GTPBP4: variants seen among roughly 807,000 people sequenced by gnomAD.
GTPBP4 encodes the protein GTP binding protein 4.
In GTPBP4, 15 loss-of-function variants were observed where a neutral mutation model predicts 81.7. That is an observed-to-expected ratio of 0.18 (90% CI 0.12 to 0.28). The LOEUF is 0.28. GTPBP4 is among the 10% of genes least tolerant of loss of function. The pLI is 1.00. For missense variants in GTPBP4, 847 were observed against 793.8 expected (o/e 1.07, Z -0.81); for synonymous variants, 272 against 274.6 (o/e 0.99, Z 0.09).
chr10:1,005,808 G>A lies in GTPBP4; in HGVS notation c.913-10G>A. Reference sequence around the variant, plus strand: ...ATAATACATCTCTCGTTTTTTCTTTGCATTCCCAGAAAATATTTACAGATT... The same window carrying A: ...ATAATACATCTCTCGTTTTTTCTTTACATTCCCAGAAAATATTTACAGATT... On this transcript the variant is annotated splice_polypyrimidine_tract_variant and intron_variant, in intron 8 of 16. Transcript: ENST00000360803. The A allele has an allele frequency of 6.7e-7, 1 of 1,500,238 alleles. No individual in the cohort carries two copies. The highest frequency in any genetic ancestry group is 9.3e-7 in the Non-Finnish European group (1 of 1,077,608). The allele number at this position is 1,500,238 out of a possible 1,614,324, so 92.9% of individuals were successfully genotyped here. A position where few individuals can be genotyped will look rare whatever the true frequency, so the allele number is the denominator to read the frequency against.
chr10:988,508 C>G lies in GTPBP4; in HGVS notation c.29C>G (p.Thr10Arg). The G allele has an allele frequency of 1.2e-6, 2 of 1,612,820 alleles. No individual in the cohort carries two copies. The highest frequency in any genetic ancestry group is 1.7e-6 in the Non-Finnish European group (2 of 1,179,358). ...GCACATTACAACTTCAAGAAAATTACGGTGGTGCCGTCCGCCAAGGTAGGC... is the reference window on the plus strand; with the variant it reads ...GCACATTACAACTTCAAGAAAATTAGGGTGGTGCCGTCCGCCAAGGTAGGC... MAHYNFKKI[T>R]VVPSAKDFID... Residue 10 changes from threonine to arginine, a missense_variant, in exon 1 of 17, where the codon ACG becomes AGG. This residue lies in a region of GTPBP4 where 241 missense variants were observed against 216.3 expected (regional missense o/e 1.11). Coordinates refer to ENST00000360803, the MANE Select transcript of GTPBP4 (RefSeq NM_012341.3).
intron 15 of GTPBP4, among the ~76,000 whole-genome samples, chr10:1,015,262 C>T (rs186611600): frequency 5.9e-5 from 9 of 152,274 alleles, no homozygotes; most frequent in South Asian, 2.1e-4. Flanking sequence ...GAAAATACTG[C>T]GTGTATTTTC....
intron 12 of GTPBP4, among the ~76,000 whole-genome samples, chr10:1,010,060 G>A (rs974414231): frequency 1.3e-5 from 2 of 151,652 alleles, no homozygotes; most frequent in African/African-American, 4.8e-5. Flanking sequence ...GTTTTGGGAT[G>A]GTGGGGTGAT....
chr10:1,017,100 T>A lies in GTPBP4; in HGVS notation c.1778T>A (p.Met593Lys). ...VKMVKKAKTM[M>K]KNAQKKMNRL... ...ATGGTGAAGAAAGCCAAGACTATGA[T>A]GAAGAATGCTCAGAAGAAGATGAAT... The change falls in exon 17 of 17, where the codon ATG (methionine) becomes AAG (lysine). Residue 593 changes from methionine to lysine, a missense_variant. Met to Lys is a moderately conservative substitution (Grantham distance 95). Coordinates refer to ENST00000360803, the MANE Select transcript of GTPBP4 (RefSeq NM_012341.3). 6.2e-7 allele frequency: 1 copy of A among 1,613,828 alleles called. No homozygotes were observed.
At chr10:1,005,657 T>C (rs1250917212) in intron 8 of GTPBP4, among the ~76,000 whole-genome samples, 161 bp from the exon 9 acceptor site, 2 of 152,206 alleles carry the variant, frequency 1.3e-5, no homozygotes, top group African/African-American at 4.8e-5. Flanking sequence ...CATAGAAGAA[T>C]ATGAAGAAAA....
In GTPBP4 at chr10:1,009,540, T is replaced by G. The variant is rs1831811450; in HGVS notation, c.1203T>G (p.Leu401=). 6.2e-7 allele frequency: 1 copy of G among 1,604,324 alleles called. No homozygotes were observed. Among genetic ancestry groups the G allele is most frequent in the Admixed American group, 1.7e-5 (1 of 59,996 alleles). ...EESRKKRERD[L]ELEMGDDYIL... is the part of the protein sequence containing the mutation. Reference sequence around the variant, plus strand: ...TCTTTCTATTGCAGGAACGAGATCTTGAGCTGGAAATGGGAGATGATTATA... The same window carrying G: ...TCTTTCTATTGCAGGAACGAGATCTGGAGCTGGAAATGGGAGATGATTATA... The change falls in exon 12 of 17, where the codon CTT becomes CTG. Residue 401 remains leucine (L), a synonymous_variant. Coordinates refer to ENST00000360803, the MANE Select transcript of GTPBP4 (RefSeq NM_012341.3).
chr10:1,007,039 C>T lies in GTPBP4; in HGVS notation c.1024C>T (p.His342Tyr). Residue 342 changes from histidine to tyrosine, a missense_variant, in exon 10 of 17, where the codon CAT (histidine) becomes TAT (tyrosine). By Grantham distance (83) the His-to-Tyr change is moderately conservative. This residue lies in a region of GTPBP4 where 600 missense variants were observed against 557.1 expected (regional missense o/e 1.08). Coordinates refer to ENST00000360803, the MANE Select transcript of GTPBP4 (RefSeq NM_012341.3). ...KTEACDRLLA[H>Y]RVETKMKGNK... The stretch of plus-strand genomic sequence containing the variant: ...TTAGGCTTGCGATAGGCTTTTGGCT[C>T]ATCGAGTGGAAACCAAAATGAAGGG... 6.2e-7 allele frequency: 1 copy of T among 1,610,924 alleles called. No individual in the cohort carries two copies. Among genetic ancestry groups the T allele is most frequent in the Non-Finnish European group, 8.5e-7 (1 of 1,177,094 alleles).
chr10:1,004,486 G>C (rs1831690795), intron 8 of GTPBP4, among the ~76,000 whole-genome samples: 1 of 152,090 alleles, frequency 6.6e-6, no homozygotes, highest in Non-Finnish European at 1.5e-5. Flanking sequence ...TATGTGGCTG[G>C]TCAGCCTGGG....
chr10:1,014,390 C>T (rs1831938238), intron 15 of GTPBP4, 78 bp downstream of exon 15: 1 of 1,035,202 alleles, frequency 9.7e-7, no homozygotes, highest in South Asian at 1.3e-5. Flanking sequence ...GGCGTGGTGG[C>T]TCATGCCTGT....
At position 1,017,265 on chromosome 10, in the gene GTPBP4, T is replaced by C. The variant is rs1832010509; in HGVS notation, c.*38T>C. 6.3e-7 allele frequency: 1 copy of C among 1,588,486 alleles called. No homozygotes were observed. The highest frequency in any genetic ancestry group is 8.6e-7 in the Non-Finnish European group (1 of 1,159,666). On this transcript the variant is annotated 3_prime_UTR_variant, in exon 17 of 17. Coordinates refer to ENST00000360803, the MANE Select transcript of GTPBP4 (RefSeq NM_012341.3). ...TGGCGTGGCTTCGCTAGAGTGTTGC[T>C]GTTTATTTCCTGGTTTGGCACAGTA...
chr10:1,019,391 T>TGGGCAA lies in GTPBP4; in HGVS notation c.*2164_*2165insGGGCAA. ...GTTGATGAAAAGGTTGAAATAGTGA[T>TGGGCAA]TTATACATGATGGGCAATCAAGTGC... is the stretch of plus-strand genomic sequence containing the variant. On this transcript the variant is annotated 3_prime_UTR_variant, in exon 17 of 17. Coordinates refer to ENST00000360803, the MANE Select transcript of GTPBP4 (RefSeq NM_012341.3). The TGGGCAA allele has an allele frequency of 1.5e-6, 1 of 649,740 alleles. No individual in the cohort carries two copies. The highest frequency in any genetic ancestry group is 2.0e-5 in the South Asian group (1 of 49,206). The allele number at this position is 649,740 out of a possible 1,614,324, so 40.2% of individuals were successfully genotyped here.
chr10:999,236 A>G, intron 6 of GTPBP4, 141 bp downstream of exon 6: 1 of 615,756 alleles, frequency 1.6e-6, no homozygotes, highest in South Asian at 1.8e-5. Flanking sequence ...CTCCTGCCTC[A>G]GCCTTTCGAG....
intron 14 of GTPBP4, 97 bp downstream of exon 14, chr10:1,012,759 GC>G: frequency 1.3e-6 from 1 of 768,914 alleles, no homozygotes. Flanking sequence ...CCCATTTATG[GC>G]CATAAGATTG....
intron 12 of GTPBP4, 61 bp from the exon 13 acceptor site, chr10:1,010,359 A>G (rs1434400680): frequency 3.6e-6 from 3 of 838,644 alleles, no homozygotes; most frequent in East Asian, 2.4e-5. Flanking sequence ...CATTTTGCGC[A>G]CGTAGTACTT....
intron 15 of GTPBP4, 30 bp downstream of exon 15, chr10:1,014,342 G>A: frequency 2.7e-6 from 4 of 1,500,616 alleles, no homozygotes; most frequent in Non-Finnish European, 3.7e-6. Flanking sequence ...ATGTGTTTAT[G>A]TGGCTGGATA....
chr10:1,015,038 G>A (rs1260331069), intron 15 of GTPBP4, among the ~76,000 whole-genome samples: 2 of 152,202 alleles, frequency 1.3e-5, no homozygotes, highest in Non-Finnish European at 2.9e-5. Flanking sequence ...CCCAAAATGG[G>A]GCAGTGAGGG....
At chr10:997,413 A>G (rs897659516) in intron 5 of GTPBP4, 105 bp downstream of exon 5, 10 of 773,502 alleles carry the variant, frequency 1.3e-5, no homozygotes, top group Non-Finnish European at 2.1e-5. Flanking sequence ...GTCAGTGTTA[A>G]CTGTATTCTG....
chr10:1,010,852 G>T (rs1191847417), intron 13 of GTPBP4, among the ~76,000 whole-genome samples: 1 of 138,592 alleles, frequency 7.2e-6, no homozygotes, highest in Non-Finnish European at 1.5e-5. Context: ...GACACTGGTG[G>T]AGATGCTGGG....
At chr10:1,009,330 A>ACAGCCTCTTCCTAC (rs1228011949) in intron 11 of GTPBP4, among the ~76,000 whole-genome samples, 199 bp from the exon 12 acceptor site, 1 of 152,178 alleles carries the variant, frequency 6.6e-6, no homozygotes, top group Non-Finnish European at 1.5e-5. Flanking sequence ...GAGATAAGAA[A>ACAGCCTCTTCCTAC]CAGCCTCTTC....
Sources: allele counts gnomAD v4.1 joint callset (sites outside exome capture counted in the v4.1 genomes callset), GRCh38; gene constraint gnomAD v4.1.1; regional missense constraint gnomAD v4.1.1; transcripts MANE v1.5; gene names NCBI Gene and HGNC (gene_info 2026-07-23, HGNC 2026-07-21).